The following LHFPL3 variants were observed in gnomAD, a reference collection of about 807,000 sequenced individuals.
The protein encoded by LHFPL3 is LHFPL tetraspan subfamily member 3 protein.
A neutral mutation model predicts 19.3 loss-of-function variants in LHFPL3; 5 were observed. That is an observed-to-expected ratio of 0.26 (90% CI 0.14 to 0.54). The LOEUF is 0.54. Among genes scored for constraint, LHFPL3 ranks in the 20% least tolerant of loss-of-function variants. The probability of loss-of-function intolerance (pLI) is 0.94; values close to 1 mark genes in which losing one functional copy is unlikely to be tolerated. For missense variants in LHFPL3, 249 were observed against 307.4 expected (o/e 0.81, Z 1.42); for synonymous variants, 133 against 126.2 (o/e 1.05, Z -0.36).
intron 1 of LHFPL3, among the ~76,000 whole-genome samples, chr7:104,713,708 A>G (rs1793334885): frequency 6.6e-6 from 1 of 152,196 alleles, no homozygotes; most frequent in Admixed American, 6.5e-5. Context: ...AGCATCCCAG[A>G]ATTTAAAATG....
intron 2 of LHFPL3, among the ~76,000 whole-genome samples, chr7:104,737,168 T>C (rs1243108640): frequency 6.6e-6 from 1 of 152,244 alleles, no homozygotes; most frequent in East Asian, 1.9e-4. Context: ...TTTTTCCGGT[T>C]TCTTCTTCCC....
chr7:104,792,418 T>C (rs1332482115), intron 2 of LHFPL3, among the ~76,000 whole-genome samples: 4 of 152,216 alleles, frequency 2.6e-5, no homozygotes, highest in African/African-American at 7.2e-5. Flanking sequence ...CTATTACAGA[T>C]GAATTAATTA....
At chr7:104,707,604 G>C (rs2116200105) in intron 1 of LHFPL3, among the ~76,000 whole-genome samples, 1 of 152,310 alleles carries the variant, frequency 6.6e-6, no homozygotes, top group South Asian at 2.1e-4. Flanking sequence ...CTCTCCCTCT[G>C]ACACGTGAGG....
In LHFPL3 at chr7:104,901,987, T is replaced by A. The variant is rs544700298; in HGVS notation, c.683-4200T>A. On this transcript the variant is annotated intron_variant, in intron 2 of 2. Transcript: ENST00000424859. ...CTATTCCAGGCCTGGCTCACTGGCT[T>A]CACACTTTCATTTTCCCACTTACTT... Among the ~76,000 whole-genome samples, 10 of 152,300 alleles carry A rather than the reference T, an allele frequency of 6.6e-5. No individual in the cohort carries two copies. In the South Asian group the frequency reaches 1.9e-3, roughly 28 times the overall value.
chr7:104,441,367 A>G (rs1490409511), intron 1 of LHFPL3, among the ~76,000 whole-genome samples: 1 of 152,156 alleles, frequency 6.6e-6, no homozygotes, highest in Non-Finnish European at 1.5e-5. Flanking sequence ...ATTTAGCATA[A>G]TATCCTTCAG....
At chr7:104,829,571 A>G (rs182416083) in intron 2 of LHFPL3, among the ~76,000 whole-genome samples, 2,413 of 151,608 alleles carry the variant, frequency 0.016, 99 homozygotes, top group African/African-American at 0.053. Context: ...ATGAGTGAGA[A>G]CATGTGGTGT....
intron 1 of LHFPL3, among the ~76,000 whole-genome samples, chr7:104,366,102 G>T (rs140852994): frequency 6.6e-6 from 1 of 152,202 alleles, no homozygotes; most frequent in Non-Finnish European, 1.5e-5. Flanking sequence ...AGAAGAGTTT[G>T]AAGTTTCCTG....
intron 1 of LHFPL3, among the ~76,000 whole-genome samples, chr7:104,484,469 A>T (rs536017975): frequency 2.0e-5 from 3 of 152,260 alleles, no homozygotes; most frequent in African/African-American, 7.2e-5. Flanking sequence ...CTTCTCAAAA[A>T]TCAATGGGGT....
At chr7:104,342,840 G>A (rs978556556) in intron 1 of LHFPL3, among the ~76,000 whole-genome samples, 1 of 152,174 alleles carries the variant, frequency 6.6e-6, no homozygotes, top group African/African-American at 2.4e-5. Flanking sequence ...TACTGATAGT[G>A]CAATTTAATT....
At chr7:104,869,694 G>C (rs1791795185) in intron 2 of LHFPL3, among the ~76,000 whole-genome samples, 2 of 152,086 alleles carry the variant, frequency 1.3e-5, no homozygotes, top group Non-Finnish European at 2.9e-5. Context: ...GATTCCTCAG[G>C]GATCTAGAAC....
intron 1 of LHFPL3, among the ~76,000 whole-genome samples, chr7:104,412,586 G>C (rs546399659): frequency 2.0e-5 from 3 of 152,042 alleles, no homozygotes; most frequent in Admixed American, 6.6e-5. Context: ...GGCACAGCAG[G>C]GAGTGGTCTC....
intron 1 of LHFPL3, among the ~76,000 whole-genome samples, chr7:104,470,953 G>T (rs1015108949): frequency 1.1e-4 from 16 of 152,086 alleles, no homozygotes; most frequent in African/African-American, 3.9e-4. Flanking sequence ...CCTGCCCCTA[G>T]CTCACAGAGA....
intron 1 of LHFPL3, among the ~76,000 whole-genome samples, chr7:104,446,466 T>C (rs751031241): frequency 6.6e-5 from 10 of 152,254 alleles, no homozygotes; most frequent in Non-Finnish European, 1.3e-4. Flanking sequence ...GACACCAGTG[T>C]ATATGTTTTT....
intron 1 of LHFPL3, among the ~76,000 whole-genome samples, chr7:104,484,754 G>A (rs776240545): frequency 4.6e-5 from 7 of 152,194 alleles, no homozygotes; most frequent in African/African-American, 9.6e-5. Flanking sequence ...CATCCCATGA[G>A]GGGGGAAGGC....
chr7:104,531,716 C>T (rs1794298475), intron 1 of LHFPL3, among the ~76,000 whole-genome samples: 2 of 152,154 alleles, frequency 1.3e-5, no homozygotes, highest in Non-Finnish European at 2.9e-5. Context: ...GCCACAAGCT[C>T]AGGAGCACAG....
chr7:104,600,972 A>C (rs1790953421), intron 1 of LHFPL3, among the ~76,000 whole-genome samples: 2 of 152,328 alleles, frequency 1.3e-5, no homozygotes, highest in South Asian at 4.1e-4. Context: ...ACCATTATGC[A>C]GATTTGACAG....
chr7:104,426,654 A>G (rs188110146), intron 1 of LHFPL3, among the ~76,000 whole-genome samples: 16 of 152,336 alleles, frequency 1.1e-4, no homozygotes, highest in African/African-American at 3.6e-4. Flanking sequence ...TAGAGAATTT[A>G]AAAATAGGTT....
intron 1 of LHFPL3, among the ~76,000 whole-genome samples, chr7:104,465,223 T>G (rs898072217): frequency 6.6e-6 from 1 of 151,856 alleles, no homozygotes; most frequent in African/African-American, 2.4e-5. Flanking sequence ...ATTGTCCATA[T>G]CACCATATGG....
At chr7:104,537,343 T>G (rs1413474151) in intron 1 of LHFPL3, among the ~76,000 whole-genome samples, 2 of 152,226 alleles carry the variant, frequency 1.3e-5, no homozygotes, top group Admixed American at 6.5e-5. Flanking sequence ...ATGGAGGACT[T>G]TTAGAAAATG....
Sources: gnomAD v4.1 joint callset for allele counts (sites outside exome capture counted in the v4.1 genomes callset) on GRCh38, gnomAD v4.1.1 for gene constraint, MANE v1.5 for transcripts, NCBI Gene and HGNC (gene_info 2026-07-23, HGNC 2026-07-21) for gene names.